DLGAP1: variants seen among roughly 807,000 people sequenced by gnomAD.
The protein encoded by DLGAP1 is DLG associated protein 1, also known as disks large-associated protein 1.
A neutral mutation model predicts 90.8 loss-of-function variants in DLGAP1; 11 were observed. That is an observed-to-expected ratio of 0.12 (90% CI 0.08 to 0.20). The LOEUF (loss-of-function observed/expected upper bound fraction) is 0.20, where lower values mean the gene tolerates loss of function less well. Ranked by LOEUF, DLGAP1 falls within the 10% of genes least tolerant of loss-of-function variation. The pLI is 1.00. For synonymous variants in DLGAP1, 558 were observed against 540.7 expected, an observed-to-expected ratio of 1.03 and a Z score of -0.44; for missense variants, 1,050 against 1,333.8, an observed-to-expected ratio of 0.79 and a Z score of 3.31.
chr18:3,892,198 A>C (rs947278686), intron 3 of DLGAP1, among the ~76,000 whole-genome samples: 4 of 150,854 alleles, frequency 2.7e-5, no homozygotes, highest in Non-Finnish European at 5.9e-5. Context: ...TATTATTTGT[A>C]ATATGATCTT....
At chr18:3,554,061 T>C (rs975879557) in intron 9 of DLGAP1, among the ~76,000 whole-genome samples, 2 of 152,096 alleles carry the variant, frequency 1.3e-5, no homozygotes, top group African/African-American at 4.8e-5. Flanking sequence ...TGGAAGGAAA[T>C]GGGAGATTCC....
At chr18:3,714,926 C>G (rs549210727) in intron 7 of DLGAP1, among the ~76,000 whole-genome samples, 31 of 152,266 alleles carry the variant, frequency 2.0e-4, no homozygotes, top group African/African-American at 7.0e-4. Context: ...TGTGAGCCAC[C>G]ACGCCCAGTA....
chr18:4,168,701 C>T (rs532263584), intron 1 of DLGAP1, among the ~76,000 whole-genome samples: 1 of 152,304 alleles, frequency 6.6e-6, no homozygotes, highest in African/African-American at 2.4e-5. Flanking sequence ...CTTCAAGGTT[C>T]ATCCATATTT....
intron 1 of DLGAP1, among the ~76,000 whole-genome samples, chr18:4,301,616 T>C (rs1156719489): frequency 1.3e-5 from 2 of 152,228 alleles, no homozygotes; most frequent in African/African-American, 4.8e-5. Context: ...GATATGCAGA[T>C]ATGCAGATAT....
chr18:3,565,828 CTG>C lies in DLGAP1; in HGVS notation c.2057+1660_2057+1661del, dbSNP rs1317966535. 6.6e-6 allele frequency among the ~76,000 whole-genome samples: 1 copy of C among 151,606 alleles called. No homozygotes were observed. The stretch of plus-strand genomic sequence containing the variant: ...CCAGCCTGGGCGACAGAGTGAGACT[CTG>C]TCTCAAAAAAACCACACACAAAAAA... On this transcript the variant is annotated intron_variant, in intron 9 of 12. Coordinates refer to ENST00000315677, the MANE Select transcript of DLGAP1 (RefSeq NM_004746.4). The surrounding 1 kb of genome is among the most constrained non-coding windows in gnomAD (Gnocchi z 4.0).
At chr18:3,790,036 C>T (rs574264683) in intron 5 of DLGAP1, among the ~76,000 whole-genome samples, 122 of 152,272 alleles carry the variant, frequency 8.0e-4, no homozygotes, top group African/African-American at 2.1e-3. Context: ...CAAATATCAA[C>T]TAGGTACAGT....
At chr18:3,779,956 T>G (rs914016408) in intron 5 of DLGAP1, among the ~76,000 whole-genome samples, 6 of 152,034 alleles carry the variant, frequency 3.9e-5, no homozygotes, top group Non-Finnish European at 8.8e-5. Flanking sequence ...AGCTAATTTT[T>G]GTATTTTTTA....
At chr18:3,839,716 T>C (rs1001606577) in intron 4 of DLGAP1, among the ~76,000 whole-genome samples, 2 of 152,246 alleles carry the variant, frequency 1.3e-5, no homozygotes, top group African/African-American at 2.4e-5. Flanking sequence ...TTTTTCAGAA[T>C]GTATTTTCTT....
At position 4,169,176 on chromosome 18, in the gene DLGAP1, C is replaced by T. The variant is rs575989090; in HGVS notation, c.-266-17889G>A. Among the ~76,000 whole-genome samples, 7 of 152,248 alleles carry T rather than the reference C, an allele frequency of 4.6e-5. No homozygotes were observed. The East Asian group carries it at 1.2e-3, about 25-fold the overall frequency. On this transcript the variant is annotated intron_variant, in intron 1 of 12. Transcript: ENST00000315677. Reference sequence around the variant, plus strand: ...TATTTAAATTACCACTTGCAATGCACAAGACTTTGAATTTTCCAAATCCTT... The same window carrying T: ...TATTTAAATTACCACTTGCAATGCATAAGACTTTGAATTTTCCAAATCCTT...
chr18:3,963,481 G>A (rs1336847974), intron 3 of DLGAP1, among the ~76,000 whole-genome samples: 1 of 151,830 alleles, frequency 6.6e-6, no homozygotes, highest in Admixed American at 6.6e-5. Context: ...TTTGCCCCAG[G>A]TCCCTTTCTT....
At chr18:4,062,428 T>C (rs1025326195) in intron 2 of DLGAP1, among the ~76,000 whole-genome samples, 1 of 152,164 alleles carries the variant, frequency 6.6e-6, no homozygotes, top group Non-Finnish European at 1.5e-5. Context: ...AAGTAAAGAA[T>C]GTCACTTTCT....
intron 7 of DLGAP1, among the ~76,000 whole-genome samples, chr18:3,693,298 G>C (rs1197534273): frequency 6.6e-6 from 1 of 151,612 alleles, no homozygotes; most frequent in East Asian, 1.9e-4. Context: ...ATGTTGCTCA[G>C]GCTGGTCTTG....
intron 3 of DLGAP1, among the ~76,000 whole-genome samples, chr18:3,950,185 A>C (rs2072956440): frequency 6.6e-6 from 1 of 152,224 alleles, no homozygotes; most frequent in East Asian, 1.9e-4. Context: ...TTATGACAGA[A>C]ACTCCAAAAA....
intron 1 of DLGAP1, among the ~76,000 whole-genome samples, chr18:4,254,756 G>A (rs543494908): frequency 6.6e-6 from 1 of 152,300 alleles, no homozygotes; most frequent in East Asian, 1.9e-4. Context: ...CTAATTCTCA[G>A]AGAAACACAC....
chr18:3,780,578 T>G lies in DLGAP1; in HGVS notation c.1172+33481A>C, dbSNP rs146975999. Among the ~76,000 whole-genome samples the G allele has an allele frequency of 9.8e-4, 150 of 152,298 alleles. 1 individual carries two copies. The highest frequency in any genetic ancestry group is 3.5e-3 in the African/African-American group (146 of 41,564). ...CCCTTTTCACGTGTAAGGCTGCTTGTGATTATCCAACTGGATCATTCCAGA... is the reference window on the plus strand; with the variant it reads ...CCCTTTTCACGTGTAAGGCTGCTTGGGATTATCCAACTGGATCATTCCAGA... On this transcript the variant is annotated intron_variant, in intron 5 of 12. Transcript: ENST00000315677.
chr18:4,272,209 T>C (rs1271825928), intron 1 of DLGAP1, among the ~76,000 whole-genome samples: 1 of 152,232 alleles, frequency 6.6e-6, no homozygotes, highest in Admixed American at 6.5e-5. Context: ...TGTCTACTTC[T>C]GTCATTAAAA....
chr18:3,982,171 A>C (rs1163643227), intron 3 of DLGAP1, among the ~76,000 whole-genome samples: 1 of 152,170 alleles, frequency 6.6e-6, no homozygotes, highest in Non-Finnish European at 1.5e-5. Flanking sequence ...TTGAAAGAAA[A>C]AAATCAGAAA....
intron 4 of DLGAP1, chr18:3,874,016 C>T: frequency 6.9e-7 from 1 of 1,454,876 alleles, no homozygotes; most frequent in South Asian, 1.4e-5. Context: ...TTTGTCAGCT[C>T]TTCCAGTCTT....
At chr18:3,522,104 T>A (rs1293679851) in intron 10 of DLGAP1, among the ~76,000 whole-genome samples, 1 of 151,676 alleles carries the variant, frequency 6.6e-6, no homozygotes, top group African/African-American at 2.4e-5. Context: ...TTTGCCTTTT[T>A]TTTTTTACCC....
Sources: allele counts gnomAD v4.1 joint callset (sites outside exome capture counted in the v4.1 genomes callset), GRCh38; gene constraint gnomAD v4.1.1; non-coding constraint Gnocchi (gnomAD v3.1); transcripts MANE v1.5; gene names NCBI Gene and HGNC (gene_info 2026-07-23, HGNC 2026-07-21).